The following MYEF2 variants were observed in gnomAD, a reference collection of about 807,000 sequenced individuals.
MYEF2 encodes myelin expression factor 2.
A neutral mutation model predicts 75.2 loss-of-function variants in MYEF2; 37 were observed. The ratio of observed to expected loss-of-function variants is 0.49; its 90% CI spans 0.38 to 0.65. The LOEUF (loss-of-function observed/expected upper bound fraction) is 0.65, where lower values mean the gene tolerates loss of function less well. MYEF2 is among the 30% of genes least tolerant of loss of function. MYEF2 has a pLI of 0.00. For missense variants in MYEF2, 634 were observed against 771.4 expected, an observed-to-expected ratio of 0.82 and a Z score of 2.11; for synonymous variants, 195 against 241.6, an observed-to-expected ratio of 0.81 and a Z score of 1.79.
intron 1 of MYEF2, among the ~76,000 whole-genome samples, chr15:48,171,128 C>A (rs1184644729): frequency 6.6e-6 from 1 of 152,208 alleles, no homozygotes; most frequent in Admixed American, 6.5e-5. Context: ...GCACAAAGGC[C>A]TTTTCTCTGG....
At chr15:48,154,500 C>G (rs1458393897) in intron 9 of MYEF2, among the ~76,000 whole-genome samples, 3 of 152,024 alleles carry the variant, frequency 2.0e-5, no homozygotes. Context: ...AGACTTTGGT[C>G]TTTGCTGTCA....
intron 7 of MYEF2, 43 bp downstream of exon 7, chr15:48,158,726 T>G: frequency 2.5e-6 from 4 of 1,609,250 alleles, no homozygotes; most frequent in Non-Finnish European, 3.4e-6. Context: ...GGTATTATGC[T>G]TCTTCAACCT....
At chr15:48,152,471 A>G (rs933378486) in intron 10 of MYEF2, 187 bp from the exon 11 acceptor site, 2 of 484,822 alleles carry the variant, frequency 4.1e-6, no homozygotes, top group Non-Finnish European at 7.3e-6. Flanking sequence ...TGAATCTTCA[A>G]AAGGGTTTCT....
At chr15:48,146,018 T>C (rs2433358) in intron 16 of MYEF2, among the ~76,000 whole-genome samples, 1 of 151,910 alleles carries the variant, frequency 6.6e-6, no homozygotes. Flanking sequence ...TACTACATAA[T>C]GGAAATCTGT....
chr15:48,135,137 G>T lies in MYEF2; in HGVS notation c.*7771C>A. 1.8e-6 allele frequency: 1 copy of T among 551,188 alleles called. No homozygotes were observed. Among genetic ancestry groups the T allele is most frequent in the Non-Finnish European group, 3.2e-6 (1 of 309,062 alleles). The allele number at this position is 551,188 out of a possible 1,614,324, so 34.1% of individuals were successfully genotyped here. On this transcript the variant is annotated 3_prime_UTR_variant, in exon 17 of 17. Transcript: ENST00000324324. ...TCTGTGAGTTAACCTCATCACAATTGCTGATTGAGTTCTTCTCACTAGTTT... is the reference window on the plus strand; with the variant it reads ...TCTGTGAGTTAACCTCATCACAATTTCTGATTGAGTTCTTCTCACTAGTTT...
intron 1 of MYEF2, among the ~76,000 whole-genome samples, chr15:48,174,183 C>T (rs548582334): frequency 1.3e-5 from 2 of 151,990 alleles, no homozygotes; most frequent in Non-Finnish European, 2.9e-5. Context: ...AAAACACATC[C>T]CCAATATATG....
In MYEF2 at chr15:48,137,923, T is replaced by A. The variant is rs2038942373; in HGVS notation, c.*4985A>T. 6.6e-6 allele frequency: 1 copy of A among 152,106 alleles called. No homozygotes were observed. Among genetic ancestry groups the A allele is most frequent in the African/African-American group, 2.4e-5 (1 of 41,430 alleles). The allele number at this position is 152,106 out of a possible 1,614,324, so 9.4% of individuals were successfully genotyped here. On this transcript the variant is annotated 3_prime_UTR_variant, in exon 17 of 17. Coordinates refer to ENST00000324324, the MANE Select transcript of MYEF2 (RefSeq NM_016132.5). ...TATAAGTTCATGGGTTACCTTTTTA[T>A]AAAGTGGTTGTCCAAAACAGATTCT...
rs1597358563 is a variant in MYEF2, at chr15:48,172,176, G to A, written c.162-3337C>T. Among the ~76,000 whole-genome samples the A allele has an allele frequency of 2.0e-5, 3 of 152,098 alleles. No homozygotes were observed. In the South Asian group the frequency reaches 6.2e-4, roughly 32 times the overall value. On this transcript the variant is annotated intron_variant, in intron 1 of 16. Transcript: ENST00000324324. ...GCACTTTGGGAGGCCAAGGCAGGTGGGTGACTTGAGGTCAGGAGTTCGAGA... is the reference window on the plus strand; with the variant it reads ...GCACTTTGGGAGGCCAAGGCAGGTGAGTGACTTGAGGTCAGGAGTTCGAGA...
At chr15:48,165,514 T>C (rs937579836) in intron 5 of MYEF2, among the ~76,000 whole-genome samples, 1 of 152,068 alleles carries the variant, frequency 6.6e-6, no homozygotes, top group East Asian at 1.9e-4. Flanking sequence ...GTAACTCTGA[T>C]AAAAAGTGAA....
intron 1 of MYEF2, among the ~76,000 whole-genome samples, chr15:48,176,134 AATTAT>A: frequency 6.6e-6 from 1 of 151,668 alleles, no homozygotes; most frequent in Non-Finnish European, 1.5e-5. Context: ...ATCAACAATG[AATTAT>A]TTTTATTATT....
intron 2 of MYEF2, among the ~76,000 whole-genome samples, chr15:48,168,265 A>T (rs1175777299): frequency 6.6e-6 from 1 of 152,120 alleles, no homozygotes. Context: ...TTTGGAAAAA[A>T]AATAAATAAT....
Position 48,139,030 on chromosome 15 carries a change from C to T in MYEF2, c.*3878G>A, listed in dbSNP as rs112771038. 31 of 1,612,954 alleles carry T rather than the reference C, an allele frequency of 1.9e-5. 1 individual carries two copies. The African/African-American group carries it at 3.3e-4, about 17-fold the overall frequency. On this transcript the variant is annotated 3_prime_UTR_variant, in exon 17 of 17. Coordinates refer to ENST00000324324, the MANE Select transcript of MYEF2 (RefSeq NM_016132.5). ...TAAAAAGAATTTTTTGGGTATTATCCCTTCCTATTATTACATTACTTTTTC... is the reference window on the plus strand; with the variant it reads ...TAAAAAGAATTTTTTGGGTATTATCTCTTCCTATTATTACATTACTTTTTC...
At chr15:48,155,651 C>T (rs1328439516) in intron 9 of MYEF2, among the ~76,000 whole-genome samples, 1 of 151,220 alleles carries the variant, frequency 6.6e-6, no homozygotes, top group East Asian at 1.9e-4. Flanking sequence ...CACATATAAA[C>T]CATGTTCTCT....
chr15:48,134,952 T>C lies in MYEF2; in HGVS notation c.*7956A>G. ...CGTACACAATTAGTGCAGCAGCAGT[T>C]CTTGGTATAATATATGACAACCAAG... is the stretch of plus-strand genomic sequence containing the variant. On this transcript the variant is annotated 3_prime_UTR_variant, in exon 17 of 17. Transcript: ENST00000324324. The C allele has an allele frequency of 1.2e-6, 2 of 1,612,262 alleles. No individual in the cohort carries two copies. Among genetic ancestry groups the C allele is most frequent in the Non-Finnish European group, 1.7e-6 (2 of 1,178,692 alleles).
chr15:48,167,094 T>C (rs1306365419), intron 3 of MYEF2, among the ~76,000 whole-genome samples: 2 of 152,004 alleles, frequency 1.3e-5, no homozygotes, highest in African/African-American at 4.8e-5. Context: ...GCTAAAATCT[T>C]ATTGGCTAAG....
chr15:48,151,345 A>G, intron 13 of MYEF2, 128 bp downstream of exon 13: 1 of 1,052,396 alleles, frequency 9.5e-7, no homozygotes, highest in East Asian at 2.4e-5. Flanking sequence ...AAATCCTTAA[A>G]GTGTTTTCTT....
rs762693511 is a variant in MYEF2 at position 48,134,847 on chromosome 15, T to C, written c.*8061A>G. 2 of 1,459,798 alleles carry C rather than the reference T, an allele frequency of 1.4e-6. No individual in the cohort carries two copies. Among genetic ancestry groups the C allele is most frequent in the Non-Finnish European group, 1.9e-6 (2 of 1,051,160 alleles). The allele number at this position is 1,459,798 out of a possible 1,614,324, so 90.4% of individuals were successfully genotyped here. On this transcript the variant is annotated 3_prime_UTR_variant, in exon 17 of 17. Transcript: ENST00000324324. The stretch of plus-strand genomic sequence containing the variant: ...TACTAAGGATTGTACTTGAAGAAGT[T>C]ACAATGTAATGGAAATAATAACTTA...
At chr15:48,159,904 C>T in intron 5 of MYEF2, 100 bp from the exon 6 acceptor site, 1 of 1,227,176 alleles carries the variant, frequency 8.1e-7, no homozygotes, top group Admixed American at 2.8e-5. Context: ...CTGTCTGGCT[C>T]AAATTATTGA....
chr15:48,164,740 G>T (rs1014488305), intron 5 of MYEF2, among the ~76,000 whole-genome samples: 1 of 152,122 alleles, frequency 6.6e-6, no homozygotes, highest in Non-Finnish European at 1.5e-5. Context: ...TCAGCACTGA[G>T]GCAAGACTCT....
Sources: allele counts gnomAD v4.1 joint callset (sites outside exome capture counted in the v4.1 genomes callset), GRCh38; gene constraint gnomAD v4.1.1; transcripts MANE v1.5; gene names NCBI Gene and HGNC (gene_info 2026-07-23, HGNC 2026-07-21).